MTUS2: variants seen among roughly 807,000 people sequenced by gnomAD.
MTUS2 encodes microtubule-associated tumor suppressor candidate 2.
A neutral mutation model predicts 114.1 loss-of-function variants in MTUS2; 40 were observed. The ratio of observed to expected loss-of-function variants is 0.35; its 90% CI spans 0.27 to 0.46. The LOEUF (loss-of-function observed/expected upper bound fraction) is 0.46, where lower values mean the gene tolerates loss of function less well. MTUS2 is among the 20% of genes least tolerant of loss of function. The pLI is 1.00. For missense variants in MTUS2, 1,679 were observed against 1,705.4 expected, an observed-to-expected ratio of 0.98 and a Z score of 0.27; for synonymous variants, 688 against 672.0, an observed-to-expected ratio of 1.02 and a Z score of -0.37.
rs1301461574 is a variant in MTUS2 at position 28,820,570 on chromosome 13, GC to G, written c.-355del. On this transcript the variant is annotated 5_prime_UTR_variant, in exon 1 of 16. An upstream open reading frame in the 5' UTR gains an earlier in-frame stop. Coordinates refer to ENST00000612955, the MANE Select transcript of MTUS2 (RefSeq NM_001033602.4). ...GAGCGTCTCCGTGAGGGCAGTGGTGGCCTCTTGGACATTACATCTTTCTTGG... is the reference window on the plus strand; with the variant it reads ...GAGCGTCTCCGTGAGGGCAGTGGTGGCTCTTGGACATTACATCTTTCTTGG... 2 of 152,496 alleles carry G rather than the reference GC, an allele frequency of 1.3e-5. No homozygotes were observed. The highest frequency in any genetic ancestry group is 2.9e-5 in the Non-Finnish European group (2 of 68,268). 9.4% of individuals were successfully genotyped at this position (152,496 alleles called of 1,614,324 possible).
At chr13:29,200,440 C>T (rs1407598452) in intron 5 of MTUS2, among the ~76,000 whole-genome samples, 12 of 149,066 alleles carry the variant, frequency 8.1e-5, no homozygotes, top group South Asian at 4.3e-4. Flanking sequence ...GCCTTAATTT[C>T]GTTATTTACC....
chr13:29,153,281 T>TA (rs1173323059), intron 5 of MTUS2, among the ~76,000 whole-genome samples: 4 of 152,100 alleles, frequency 2.6e-5, no homozygotes, highest in African/African-American at 9.7e-5. Context: ...CCTCAGAAGT[T>TA]AAAAAAGAAC....
intron 10 of MTUS2, chr13:29,485,330 T>C (rs1440628451): frequency 1.3e-5 from 2 of 152,618 alleles, no homozygotes; most frequent in African/African-American, 2.4e-5. Context: ...CCAAGAACCA[T>C]AGGAGAAGAC....
At chr13:29,045,038 A>C (rs1341940771) in intron 4 of MTUS2, among the ~76,000 whole-genome samples, 1 of 152,182 alleles carries the variant, frequency 6.6e-6, no homozygotes, top group African/African-American at 2.4e-5. Flanking sequence ...TCAGACTTCA[A>C]ATCTCTGACA....
chr13:28,843,936 A>G (rs538712524), intron 2 of MTUS2, among the ~76,000 whole-genome samples: 1 of 152,368 alleles, frequency 6.6e-6, no homozygotes, highest in South Asian at 2.1e-4. Flanking sequence ...ACATGCATCC[A>G]GTTAATGAGG....
chr13:29,026,455 A>G lies in MTUS2; in HGVS notation c.1757A>G (p.Lys586Arg). The change falls in exon 3 of 16, where the codon AAA becomes AGA. Residue 586 changes from lysine to arginine, a missense_variant. Physicochemically the swap from Lys to Arg is conservative, Grantham distance 26. Transcript: ENST00000612955. The stretch of plus-strand genomic sequence containing the variant: ...GCACGCTTGTTGAACACGTCCCCCA[A>G]AGTGCCTGACAAGAACACTTGCCCC... ...DSARLLNTSP[K>R]VPDKNTCPSG... is the part of the protein sequence containing the mutation. 1 of 1,613,854 alleles carries G rather than the reference A, an allele frequency of 6.2e-7. No individual in the cohort carries two copies. Among genetic ancestry groups the G allele is most frequent in the East Asian group, 2.2e-5 (1 of 44,878 alleles).
At chr13:29,210,106 G>T (rs2139277294) in intron 5 of MTUS2, among the ~76,000 whole-genome samples, 1 of 152,160 alleles carries the variant, frequency 6.6e-6, no homozygotes, top group Admixed American at 6.5e-5. Flanking sequence ...CTTCCTGGAG[G>T]CTTTGTTCAT....
At chr13:29,401,598 G>A (rs1051351511) in intron 8 of MTUS2, among the ~76,000 whole-genome samples, 3 of 152,084 alleles carry the variant, frequency 2.0e-5, no homozygotes, top group Non-Finnish European at 4.4e-5. Context: ...ACCACTGATT[G>A]AATACTCCAG....
chr13:28,899,683 T>A (rs1423780127), intron 2 of MTUS2, among the ~76,000 whole-genome samples: 1 of 152,154 alleles, frequency 6.6e-6, no homozygotes, highest in East Asian at 1.9e-4. Context: ...GTGCTGGGAT[T>A]ACAGGTGTGA....
At chr13:29,016,094 G>A (rs572686033) in intron 2 of MTUS2, among the ~76,000 whole-genome samples, 132 of 152,040 alleles carry the variant, frequency 8.7e-4, no homozygotes, top group African/African-American at 3.1e-3. Context: ...TAGTAGAGAC[G>A]GGGTTTCACC....
rs144661883 is a variant in MTUS2, at chr13:29,209,951, G to A, written c.2645-71753G>A. Among the ~76,000 whole-genome samples the A allele has an allele frequency of 9.2e-5, 14 of 152,216 alleles. No homozygotes were observed. In the East Asian group the frequency reaches 2.7e-3, roughly 29 times the overall value. The stretch of plus-strand genomic sequence containing the variant: ...ATAAATTTCGCGGGTGTTCTTTGAG[G>A]TTCTTGTATTTGGCTATCTAGATCT... On this transcript the variant is annotated intron_variant, in intron 5 of 15. Coordinates refer to ENST00000612955, the MANE Select transcript of MTUS2 (RefSeq NM_001033602.4).
intron 5 of MTUS2, among the ~76,000 whole-genome samples, chr13:29,154,849 T>C (rs1233336425): frequency 6.6e-6 from 1 of 152,246 alleles, no homozygotes; most frequent in African/African-American, 2.4e-5. Context: ...TTTGCTTATA[T>C]TTTGAGTCTA....
At chr13:28,853,360 C>G (rs1876419255) in intron 2 of MTUS2, among the ~76,000 whole-genome samples, 1 of 152,250 alleles carries the variant, frequency 6.6e-6, no homozygotes, top group South Asian at 2.1e-4. Flanking sequence ...ACATATTCCT[C>G]TTCTCTAGAA....
intron 5 of MTUS2, among the ~76,000 whole-genome samples, chr13:29,105,579 C>A (rs1275216791): frequency 1.3e-5 from 2 of 151,558 alleles, no homozygotes; most frequent in African/African-American, 4.9e-5. Flanking sequence ...CATGGGATAA[C>A]CTAAGAACAG....
chr13:29,257,001 C>T (rs1340591536), intron 5 of MTUS2, among the ~76,000 whole-genome samples: 1 of 152,158 alleles, frequency 6.6e-6, no homozygotes, highest in Non-Finnish European at 1.5e-5. Context: ...AAAGGTGGAC[C>T]TCGGTATTCT....
At chr13:28,879,745 G>T (rs543370370) in intron 2 of MTUS2, among the ~76,000 whole-genome samples, 1 of 152,082 alleles carries the variant, frequency 6.6e-6, no homozygotes, top group East Asian at 1.9e-4. Flanking sequence ...TTGATGGGAG[G>T]GAAAACTCTC....
chr13:29,221,709 T>G (rs1278436356), intron 5 of MTUS2, among the ~76,000 whole-genome samples: 2 of 152,160 alleles, frequency 1.3e-5, no homozygotes, highest in Non-Finnish European at 2.9e-5. Context: ...TTTTTCATTA[T>G]GATTTGTGTT....
At chr13:29,012,487 G>A (rs995896993) in intron 2 of MTUS2, among the ~76,000 whole-genome samples, 2 of 152,132 alleles carry the variant, frequency 1.3e-5, no homozygotes, top group Non-Finnish European at 2.9e-5. Flanking sequence ...ATTCATATAA[G>A]GCGTTTGTGG....
chr13:29,367,954 T>TG (rs1458510273), intron 8 of MTUS2, among the ~76,000 whole-genome samples: 1 of 151,074 alleles, frequency 6.6e-6, no homozygotes, highest in African/African-American at 2.4e-5. Context: ...TTTTTTTTTT[T>TG]TTGAGATGGA....
Sources: gnomAD v4.1 joint callset for allele counts (sites outside exome capture counted in the v4.1 genomes callset) on GRCh38, gnomAD v4.1.1 for gene constraint, MANE v1.5 for transcripts, NCBI Gene and HGNC (gene_info 2026-07-23, HGNC 2026-07-21) for gene names.